HHIPL1: variants seen among roughly 807,000 people sequenced by gnomAD.
The protein encoded by HHIPL1 is HHIP-like protein 1.
A neutral mutation model predicts 61.8 loss-of-function variants in HHIPL1; 43 were observed. The observed-to-expected ratio is 0.70, with a 90% CI of 0.55 to 0.90. HHIPL1 has a LOEUF of 0.90. Ranked by LOEUF, HHIPL1 falls within the 40% of genes least tolerant of loss-of-function variation. HHIPL1 has a pLI of 0.00. For synonymous variants in HHIPL1, 482 were observed against 515.8 expected (o/e 0.93, Z 0.89); for missense variants, 1,056 against 1,157.7 (o/e 0.91, Z 1.28).
chr14:99,633,881 C>T, the HHIPL1 span, among the ~76,000 whole-genome samples: 1 of 152,320 alleles, frequency 6.6e-6, no homozygotes, highest in African/African-American at 2.4e-5. Flanking sequence ...TTGGCATTGC[C>T]CTCTCTCCCC....
At chr14:99,609,817 C>G in the HHIPL1 span, among the ~76,000 whole-genome samples, 3 of 152,184 alleles carry the variant, frequency 2.0e-5, no homozygotes, top group Non-Finnish European at 4.4e-5. Context: ...GCAGCTGAAG[C>G]CCAAAGGGCC....
At chr14:99,626,154 G>A in the HHIPL1 span, among the ~76,000 whole-genome samples, 1,494 of 152,222 alleles carry the variant, frequency 9.8e-3, 56 homozygotes, top group East Asian at 0.11. Flanking sequence ...TGTAGTCAAC[G>A]TGTGGCTGCT....
the HHIPL1 span, among the ~76,000 whole-genome samples, chr14:99,605,368 C>CAGGCG: frequency 9.8e-4 from 27 of 27,516 alleles, no homozygotes; most frequent in African/African-American, 1.7e-3. Context: ...CTACCGCCAG[C>CAGGCG]AGGCGGGGCG....
intron 5 of HHIPL1, among the ~76,000 whole-genome samples, chr14:99,661,367 G>C (rs960616413): frequency 6.7e-6 from 1 of 150,054 alleles, no homozygotes; most frequent in Non-Finnish European, 1.5e-5. Flanking sequence ...ATATCACTTA[G>C]AATCTAGTGT....
intron 6 of HHIPL1, among the ~76,000 whole-genome samples, chr14:99,664,377 G>C (rs1455753193): frequency 2.0e-5 from 3 of 152,170 alleles, no homozygotes; most frequent in African/African-American, 7.2e-5. Context: ...CTTTCTTTTG[G>C]TCAGTAGGGG....
the HHIPL1 span, among the ~76,000 whole-genome samples, chr14:99,617,185 G>A: frequency 6.6e-6 from 1 of 152,146 alleles, no homozygotes; most frequent in African/African-American, 2.4e-5. Flanking sequence ...ACAAATAAAT[G>A]CATTCACTCC....
At chr14:99,643,774 G>A (rs1002969198), upstream of HHIPL1, among the ~76,000 whole-genome samples, 17 of 152,196 alleles carry the variant, frequency 1.1e-4, no homozygotes, top group Non-Finnish European at 2.2e-4. Flanking sequence ...GAAGTGGCAG[G>A]GAGAAGCCGG....
rs1016499954 is a variant in HHIPL1, at chr14:99,668,378, G to A, written c.1730+75G>A. ...TTAGCTCCACGGGCTTGTCCCCTCC[G>A]CCTCGCCCTCAGGTGGGTGGTATTA... On this transcript the variant is annotated intron_variant, in intron 7 of 8. Transcript: ENST00000330710. The surrounding 1 kb of genome is among the most constrained non-coding windows in gnomAD (Gnocchi z 4.7). 23 of 889,188 alleles carry A rather than the reference G, an allele frequency of 2.6e-5. No homozygotes were observed. Among genetic ancestry groups the A allele is most frequent in the East Asian group, 1.2e-4 (5 of 41,378 alleles). The allele number at this position is 889,188 out of a possible 1,614,324, so 55.1% of individuals were successfully genotyped here. A position where few individuals can be genotyped will look rare whatever the true frequency, so the allele number is the denominator to read the frequency against.
the HHIPL1 span, among the ~76,000 whole-genome samples, chr14:99,624,376 C>T: frequency 2.6e-5 from 4 of 152,130 alleles, no homozygotes; most frequent in Admixed American, 6.5e-5. Flanking sequence ...CAGCACTGAC[C>T]CCACAGGGTT....
the HHIPL1 span, among the ~76,000 whole-genome samples, chr14:99,638,398 C>T: frequency 3.3e-5 from 5 of 152,154 alleles, no homozygotes; most frequent in African/African-American, 4.8e-5. Flanking sequence ...GTAGAAGGGA[C>T]GCAAAACCAT....
At chr14:99,642,300 C>G (rs1215760203), upstream of HHIPL1, among the ~76,000 whole-genome samples, 52 of 152,138 alleles carry the variant, frequency 3.4e-4, no homozygotes, top group Admixed American at 3.4e-3. Flanking sequence ...TTCTCTTTCC[C>G]ATTTTCAAGT....
At chr14:99,628,080 G>A in the HHIPL1 span, among the ~76,000 whole-genome samples, 3 of 152,162 alleles carry the variant, frequency 2.0e-5, no homozygotes, top group African/African-American at 4.8e-5. Flanking sequence ...TGGGCTAGAC[G>A]ACCAGTGCTG....
In HHIPL1 at chr14:99,645,253, G is replaced by A. The variant is rs978591672; in HGVS notation, c.46G>A (p.Gly16Arg). The change falls in exon 1 of 9, where the codon GGG becomes AGG. Residue 16 changes from glycine (G) to arginine (R), a missense_variant. Transcript: ENST00000330710. ...AGALLALWVL[G>R]AAAHPQCLDF... The stretch of plus-strand genomic sequence containing the variant: ...GGCGCTGCTGGCGCTTTGGGTGCTC[G>A]GGGCCGCCGCGCATCCGCAGTGCCT... 3 of 1,382,066 alleles carry A rather than the reference G, an allele frequency of 2.2e-6. No individual in the cohort carries two copies. Among genetic ancestry groups the A allele is most frequent in the Non-Finnish European group, 2.8e-6 (3 of 1,071,694 alleles). 85.6% of individuals were successfully genotyped at this position (1,382,066 alleles called of 1,614,324 possible). A position where few individuals can be genotyped will look rare whatever the true frequency, so the allele number is the denominator to read the frequency against.
chr14:99,669,964 T>G (rs2056308049), intron 7 of HHIPL1, among the ~76,000 whole-genome samples: 1 of 152,172 alleles, frequency 6.6e-6, no homozygotes, highest in Non-Finnish European at 1.5e-5. Context: ...GATTTACAGA[T>G]AAGTTGTAAA....
Position 99,652,275 on chromosome 14 carries a change from C to T in HHIPL1, c.307C>T (p.Pro103Ser), listed in dbSNP as rs986728022. The change falls in exon 2 of 9, where the codon CCC becomes TCC. Residue 103 changes from proline (P) to serine (S), a missense_variant. Coordinates refer to ENST00000330710, the MANE Select transcript of HHIPL1 (RefSeq NM_001127258.3). ...HLYDAEDPFTPLRTVPGLCQD... is the reference protein window; with the variant it reads ...HLYDAEDPFTSLRTVPGLCQD... ...CTATGACGCCGAGGACCCATTCACG[C>T]CCCTGCGCACGGTGCCCGGGCTCTG... 1 of 1,613,552 alleles carries T rather than the reference C, an allele frequency of 6.2e-7. No homozygotes were observed. The highest frequency in any genetic ancestry group is 1.7e-5 in the Admixed American group (1 of 59,998).
intron 1 of HHIPL1, 140 bp from the exon 2 acceptor site, chr14:99,652,084 C>G (rs372297510): frequency 1.4e-6 from 1 of 721,584 alleles, no homozygotes; most frequent in African/African-American, 1.8e-5. Flanking sequence ...TGAGGCTTAT[C>G]GTGGTAACAG....
At chr14:99,629,096 A>T in the HHIPL1 span, among the ~76,000 whole-genome samples, 2 of 152,002 alleles carry the variant, frequency 1.3e-5, no homozygotes, top group South Asian at 2.1e-4. Context: ...CGGATGTAGG[A>T]CCTTTCTTGG....
At chr14:99,612,289 C>A in the HHIPL1 span, among the ~76,000 whole-genome samples, 1 of 152,184 alleles carries the variant, frequency 6.6e-6, no homozygotes, top group Non-Finnish European at 1.5e-5. Flanking sequence ...CCTGGTCCCG[C>A]CCTTGACACG....
At chr14:99,673,706 GCACCTGGAGGGGTT>G (rs1262715589) in intron 8 of HHIPL1, among the ~76,000 whole-genome samples, 2 of 25,680 alleles carry the variant, frequency 7.8e-5, no homozygotes, top group African/African-American at 3.8e-4. Flanking sequence ...TGAGGGGGGT[GCACCTGGAGGGGTT>G]GCACTGAGGG....
Sources: allele counts gnomAD v4.1 joint callset (sites outside exome capture counted in the v4.1 genomes callset), GRCh38; gene constraint gnomAD v4.1.1; non-coding constraint Gnocchi (gnomAD v3.1); transcripts MANE v1.5; gene names NCBI Gene and HGNC (gene_info 2026-07-23, HGNC 2026-07-21).